Variants in PABIR3 observed in about 807,000 individuals in gnomAD.
PABIR3 encodes PABIR family member 3.
Under a neutral mutation model 23.1 loss-of-function variants are expected in PABIR3, and 20 were observed. The observed-to-expected ratio is 0.86, with a 90% confidence interval of 0.61 to 1.26. The LOEUF (loss-of-function observed/expected upper bound fraction) is 1.26, where lower values mean the gene tolerates loss of function less well. Among genes scored for constraint, PABIR3 ranks in the 50% most tolerant of loss-of-function variants. The pLI, the probability that PABIR3 is intolerant of heterozygous loss-of-function variation, is 0.00. For missense variants in PABIR3, 189 were observed against 195.4 expected, an observed-to-expected ratio of 0.97 and a Z score of 0.20; for synonymous variants, 69 against 68.5, an observed-to-expected ratio of 1.01 and a Z score of -0.04.
chrX:134,856,279 A>G (rs1373168746), downstream of PABIR3, among the ~76,000 whole-genome samples: 2 of 105,153 alleles, frequency 1.9e-5, no homozygotes, highest in Non-Finnish European at 3.9e-5. Context: ...TCCGCCTCCC[A>G]GGTTCAAGCA....
chrX:134,857,364 T>C (rs1316125815), downstream of PABIR3, among the ~76,000 whole-genome samples: 1 of 110,950 alleles, frequency 9.0e-6, no homozygotes, highest in African/African-American at 3.3e-5. Context: ...GTGTCCTGTG[T>C]CGTCATATGG....
intron 2 of PABIR3, among the ~76,000 whole-genome samples, chrX:134,812,134 TA>T (rs1280739073): frequency 8.9e-6 from 1 of 112,675 alleles, no homozygotes; most frequent in African/African-American, 3.2e-5. Context: ...TTTTCCGAGT[TA>T]AAAGTAGCAC....
At chrX:134,806,380 A>T (rs1345409033), upstream of PABIR3, among the ~76,000 whole-genome samples, 1 of 110,897 alleles carries the variant, frequency 9.0e-6, no homozygotes, top group Non-Finnish European at 1.9e-5. Flanking sequence ...CTTTGGGAGG[A>T]CGAGGCGGGC....
At chrX:134,829,077 T>G (rs2081641511) in intron 3 of PABIR3, 149 bp from the exon 4 acceptor site, 6 of 464,866 alleles carry the variant, frequency 1.3e-5, no homozygotes, top group Non-Finnish European at 2.3e-5. Flanking sequence ...CAGTTGGATC[T>G]TTTTTTAACT....
At chrX:134,839,982 T>G (rs1242921548) in intron 4 of PABIR3, among the ~76,000 whole-genome samples, 5 of 112,248 alleles carry the variant, frequency 4.5e-5, no homozygotes, top group African/African-American at 1.6e-4. Context: ...TAGAAAGAAG[T>G]AGACATGGGA....
intron 4 of PABIR3, 126 bp from the exon 5 acceptor site, chrX:134,845,078 AT>A: frequency 3.6e-6 from 2 of 548,159 alleles, no homozygotes; most frequent in East Asian, 3.5e-5. Flanking sequence ...TTGTTTAGAG[AT>A]TTATTTATTC....
chrX:134,808,799 G>A (rs1340982002), intron 2 of PABIR3, among the ~76,000 whole-genome samples: 1 of 112,348 alleles, frequency 8.9e-6, no homozygotes, highest in East Asian at 2.8e-4. Flanking sequence ...TTACAGACGT[G>A]AGCCACTGCT....
At chrX:134,836,264 C>T (rs2081971351) in intron 4 of PABIR3, among the ~76,000 whole-genome samples, 1 of 112,069 alleles carries the variant, frequency 8.9e-6, no homozygotes, top group Non-Finnish European at 1.9e-5. Flanking sequence ...TGAGCCACCA[C>T]GTGTGGCCCC....
At chrX:134,862,142 GTTTTTTTTTTT>G in the PABIR3 span, among the ~76,000 whole-genome samples, 1 of 47,909 alleles carries the variant, frequency 2.1e-5, no homozygotes, top group Admixed American at 2.9e-4. Context: ...TTTATTGGCT[GTTTTTTTTTTT>G]TTTTTTTTTT....
At chrX:134,807,923 A>G (rs761768029) in intron 2 of PABIR3, among the ~76,000 whole-genome samples, 4 of 111,216 alleles carry the variant, frequency 3.6e-5, no homozygotes, top group Non-Finnish European at 7.5e-5. Context: ...GTTGACAAAC[A>G]TCTGAATCTG....
In PABIR3 at chrX:134,849,141, T is replaced by C. The variant is rs201225465; in HGVS notation, c.528-26T>C. The C allele has an allele frequency of 1.1e-3, 993 of 864,463 alleles. 17 individuals are homozygous for C. The East Asian group carries it at 0.037, about 32-fold the overall frequency. 71.2% of individuals were successfully genotyped at this position (864,463 alleles called of 1,213,427 possible). On this transcript the variant is annotated intron_variant, in intron 8 of 10. Transcript: ENST00000645433. ...TGATTTTGTTAAAAAAAATTTCTTA[T>C]AATGATCATGATGATTTTATTTTAG...
rs374919785 is a variant in PABIR3, at chrX:134,849,869, C to CTTTTTTTTTTTTTTT, written c.589+645_589+659dup. The stretch of plus-strand genomic sequence containing the variant: ...ACCTCACTAAATTATGCTCTTCTTC[C>CTTTTTTTTTTTTTTT]TTTTTTTTTTTTTTTTTTCTTGAGA... On this transcript the variant is annotated intron_variant, in intron 9 of 10. Coordinates refer to ENST00000645433, the MANE Select transcript of PABIR3 (RefSeq NM_001388447.1). Among the ~76,000 whole-genome samples, 62 of 58,844 alleles carry CTTTTTTTTTTTTTTT rather than the reference C, an allele frequency of 1.1e-3. 3 individuals are homozygous for CTTTTTTTTTTTTTTT. The highest frequency in any genetic ancestry group is 1.4e-3 in the East Asian group (2 of 1,382). 51.1% of individuals were successfully genotyped at this position (58,844 alleles called of 115,157 possible). A position where few individuals can be genotyped will look rare whatever the true frequency, so the allele number is the denominator to read the frequency against.
chrX:134,823,239 A>G (rs2081367467), intron 3 of PABIR3, among the ~76,000 whole-genome samples: 1 of 112,714 alleles, frequency 8.9e-6, no homozygotes, highest in South Asian at 3.6e-4. Context: ...ATAAAAGTTA[A>G]ATAAATAAAA....
intron 1 of PABIR3, 37 bp from the exon 2 acceptor site, chrX:134,807,502 CT>C (rs771469165): frequency 8.6e-7 from 1 of 1,165,061 alleles, no homozygotes; most frequent in South Asian, 2.0e-5. Flanking sequence ...TCTTTTTCCC[CT>C]TTGCCTCTCT....
chrX:134,812,129 C>T (rs2080711247), intron 2 of PABIR3, among the ~76,000 whole-genome samples: 1 of 112,225 alleles, frequency 8.9e-6, no homozygotes, highest in Non-Finnish European at 1.9e-5. Context: ...CTGCTTTTTC[C>T]GAGTTAAAAG....
At chrX:134,839,818 T>TGAGGAGCCCCTCTGCCCGGC (rs1277275354) in intron 4 of PABIR3, among the ~76,000 whole-genome samples, 6 of 108,092 alleles carry the variant, frequency 5.6e-5, no homozygotes, top group African/African-American at 2.1e-4. Flanking sequence ...TACTGGGAAG[T>TGAGGAGCCCCTCTGCCCGGC]GAGGAGCCCC....
intron 4 of PABIR3, among the ~76,000 whole-genome samples, chrX:134,830,325 C>CTTT (rs766717674): frequency 2.9e-3 from 180 of 62,451 alleles, no homozygotes; most frequent in African/African-American, 5.0e-3. Flanking sequence ...GGTTTTTTTC[C>CTTT]TTTTTTTTTT....
upstream of PABIR3, among the ~76,000 whole-genome samples, chrX:134,802,276 G>A (rs1173628546): frequency 9.0e-6 from 1 of 110,859 alleles, no homozygotes; most frequent in East Asian, 2.8e-4. Flanking sequence ...GTAGAGATGG[G>A]GTTTCGCCAT....
intron 2 of PABIR3, among the ~76,000 whole-genome samples, chrX:134,811,920 A>G (rs1422329290): frequency 8.9e-6 from 1 of 112,404 alleles, no homozygotes. Context: ...CAAATCCTAA[A>G]ATATTTACTC....
Sources: allele counts gnomAD v4.1 joint callset (sites outside exome capture counted in the v4.1 genomes callset), GRCh38; gene constraint gnomAD v4.1.1; transcripts MANE v1.5; gene names NCBI Gene and HGNC (gene_info 2026-07-23, HGNC 2026-07-21).